MTHFD2L: variants seen among roughly 807,000 people sequenced by gnomAD.
MTHFD2L encodes bifunctional methylenetetrahydrofolate dehydrogenase/cyclohydrolase 2, mitochondrial.
A neutral mutation model predicts 34.9 loss-of-function variants in MTHFD2L; 29 were observed. The observed-to-expected ratio is 0.83, with a 90% CI of 0.62 to 1.13. The LOEUF (loss-of-function observed/expected upper bound fraction) is 1.13, where lower values mean the gene tolerates loss of function less well. Among genes scored for constraint, MTHFD2L ranks in the 50% most tolerant of loss-of-function variants. The pLI is 0.00. For synonymous variants in MTHFD2L, 167 were observed against 155.7 expected (o/e 1.07, Z -0.54); for missense variants, 481 against 446.5 (o/e 1.08, Z -0.70).
At chr4:74,140,262 G>A (rs530236989) in intron 1 of MTHFD2L, among the ~76,000 whole-genome samples, 63 of 152,168 alleles carry the variant, frequency 4.1e-4, no homozygotes, top group African/African-American at 1.4e-3. Flanking sequence ...TCATGATTAC[G>A]CCACTACACT....
intron 3 of MTHFD2L, among the ~76,000 whole-genome samples, chr4:74,198,868 A>G (rs918949963): frequency 8.9e-5 from 1 of 11,276 alleles, no homozygotes; most frequent in African/African-American, 3.3e-4. Flanking sequence ...AATTATGGTT[A>G]ATTAGCTTGA....
upstream of MTHFD2L, among the ~76,000 whole-genome samples, chr4:74,122,311 G>C (rs753261162): frequency 2.6e-5 from 4 of 152,142 alleles, no homozygotes; most frequent in Non-Finnish European, 2.9e-5. Context: ...TTATAATCAT[G>C]GTAGAAGGTG....
At chr4:74,171,620 T>C (rs1264111109) in intron 1 of MTHFD2L, among the ~76,000 whole-genome samples, 1 of 152,020 alleles carries the variant, frequency 6.6e-6, no homozygotes, top group Non-Finnish European at 1.5e-5. Flanking sequence ...CTGGCCAACA[T>C]AGCGAAACCC....
At chr4:74,291,017 T>C (rs1427029053) in intron 7 of MTHFD2L, among the ~76,000 whole-genome samples, 1 of 89,738 alleles carries the variant, frequency 1.1e-5, no homozygotes, top group African/African-American at 3.9e-5. Flanking sequence ...TTTTTTTTTT[T>C]TTTTTTTTTT....
At chr4:74,197,602 CT>C (rs557447721) in intron 3 of MTHFD2L, among the ~76,000 whole-genome samples, 103 of 152,124 alleles carry the variant, frequency 6.8e-4, no homozygotes, top group African/African-American at 2.4e-3. Flanking sequence ...ATTATGACTT[CT>C]GTATGATACA....
intron 7 of MTHFD2L, among the ~76,000 whole-genome samples, chr4:74,291,271 T>G (rs1355303289): frequency 2.0e-5 from 3 of 151,958 alleles, no homozygotes; most frequent in Admixed American, 1.3e-4. Flanking sequence ...CAGCTCGGCC[T>G]CCCAAAGTGC....
At chr4:74,278,039 A>G (rs1746917981) in intron 6 of MTHFD2L, among the ~76,000 whole-genome samples, 1 of 152,160 alleles carries the variant, frequency 6.6e-6, no homozygotes, top group Non-Finnish European at 1.5e-5. Flanking sequence ...ACAAAAAAAA[A>G]TAAAGTTAGC....
At position 74,291,003 on chromosome 4, in the gene MTHFD2L, C is replaced by CTTTTTTTTTTTTTTTTTTTTTT. The variant is rs10585551; in HGVS notation, c.931+9464_931+9485dup. Among the ~76,000 whole-genome samples the CTTTTTTTTTTTTTTTTTTTTTT allele has an allele frequency of 1.6e-3, 46 of 29,278 alleles. 13 individuals are homozygous for CTTTTTTTTTTTTTTTTTTTTTT. Among genetic ancestry groups the CTTTTTTTTTTTTTTTTTTTTTT allele is most frequent in the South Asian group, 5.8e-3 (2 of 346 alleles). 19.2% of individuals were successfully genotyped at this position (29,278 alleles called of 152,430 possible). ...CTGTCTTACATTTATTTTTCCTTTT[C>CTTTTTTTTTTTTTTTTTTTTTT]TTTTTTTTTTTTTTTTTTTTTTTTT... On this transcript the variant is annotated intron_variant, in intron 7 of 7. Coordinates refer to ENST00000325278, the MANE Select transcript of MTHFD2L (RefSeq NM_001144978.3).
intron 5 of MTHFD2L, among the ~76,000 whole-genome samples, chr4:74,209,714 ATGGGATTGC>A (rs1319428143): frequency 6.6e-6 from 1 of 152,180 alleles, no homozygotes; most frequent in African/African-American, 2.4e-5. Context: ...ATACCCAGTA[ATGGGATTGC>A]TGGGTCAAAT....
chr4:74,126,925 G>A (rs765192931), intron 1 of MTHFD2L, among the ~76,000 whole-genome samples: 4 of 152,014 alleles, frequency 2.6e-5, no homozygotes, highest in East Asian at 1.9e-4. Context: ...GAAGGGACCC[G>A]GTGGGAGGTA....
chr4:74,165,257 A>AT (rs1303537798), intron 1 of MTHFD2L, among the ~76,000 whole-genome samples: 1 of 152,208 alleles, frequency 6.6e-6, no homozygotes, highest in Non-Finnish European at 1.5e-5. Context: ...AGCATGAACA[A>AT]TTATTCCTGG....
intron 1 of MTHFD2L, among the ~76,000 whole-genome samples, chr4:74,131,362 G>A (rs1722483720): frequency 6.6e-6 from 1 of 152,166 alleles, no homozygotes; most frequent in African/African-American, 2.4e-5. Flanking sequence ...AATCAAAACA[G>A]CATGGTACTG....
Position 74,176,206 on chromosome 4 carries a change from G to A in MTHFD2L, c.451+803G>A, listed in dbSNP as rs375014365. On this transcript the variant is annotated intron_variant, in intron 3 of 7. Transcript: ENST00000325278. The stretch of plus-strand genomic sequence containing the variant: ...TAAGTTCCTCTGGCTGCGTAACTAC[G>A]TCTCTCCAAAGGATTCAGTGTCAGC... Among the ~76,000 whole-genome samples, 13 of 152,062 alleles carry A rather than the reference G, an allele frequency of 8.5e-5. No individual in the cohort carries two copies. In the South Asian group the frequency reaches 2.1e-3, roughly 24 times the overall value.
At chr4:74,121,637 TATAC>T (rs1721766515), upstream of MTHFD2L, among the ~76,000 whole-genome samples, 1 of 145,860 alleles carries the variant, frequency 6.9e-6, no homozygotes, top group Admixed American at 7.0e-5. Flanking sequence ...ATTATTTAAT[TATAC>T]ATATATAATT....
intron 6 of MTHFD2L, among the ~76,000 whole-genome samples, chr4:74,260,590 G>C (rs551385788): frequency 6.6e-5 from 10 of 152,072 alleles, no homozygotes; most frequent in African/African-American, 2.4e-4. Context: ...ATAGTTTCAA[G>C]ATCATTTCTA....
intron 1 of MTHFD2L, chr4:74,161,554 A>G (rs1725473161): frequency 6.6e-6 from 1 of 152,190 alleles, no homozygotes; most frequent in Admixed American, 6.5e-5. Flanking sequence ...GGTCTCTCAT[A>G]TCTTAAGTTT....
intron 3 of MTHFD2L, among the ~76,000 whole-genome samples, chr4:74,182,510 G>T (rs1416231595): frequency 6.6e-6 from 1 of 152,056 alleles, no homozygotes; most frequent in Non-Finnish European, 1.5e-5. Context: ...CACTATATTG[G>T]TTACCTTTCA....
At chr4:74,280,262 GT>G (rs1747266209) in intron 6 of MTHFD2L, 1 of 152,054 alleles carries the variant, frequency 6.6e-6, no homozygotes, top group African/African-American at 2.4e-5. Context: ...CATTATGCTG[GT>G]TTCCCAGTCC....
intron 7 of MTHFD2L, among the ~76,000 whole-genome samples, chr4:74,295,800 C>T (rs1749558142): frequency 6.6e-6 from 1 of 152,194 alleles, no homozygotes. Flanking sequence ...CTGCTTTCTA[C>T]CTGAGGGAAG....
Sources: gnomAD v4.1 joint callset for allele counts (sites outside exome capture counted in the v4.1 genomes callset) on GRCh38, gnomAD v4.1.1 for gene constraint, MANE v1.5 for transcripts, NCBI Gene and HGNC (gene_info 2026-07-23, HGNC 2026-07-21) for gene names.